Variants in MAGI1 observed in about 807,000 individuals in gnomAD.
MAGI1 encodes the protein membrane associated guanylate kinase, WW and PDZ domain containing 1, also known as membrane-associated guanylate kinase, WW and PDZ domain-containing protein 1.
In MAGI1, 58 loss-of-function variants were observed where a neutral mutation model predicts 139.9. That is an observed-to-expected ratio of 0.41 (90% CI 0.34 to 0.52). The LOEUF (loss-of-function observed/expected upper bound fraction) is 0.52. Ranked by LOEUF, MAGI1 falls within the 20% of genes least tolerant of loss-of-function variation. The probability of loss-of-function intolerance (pLI) is 0.12; values close to 1 mark genes in which losing one functional copy is unlikely to be tolerated. For synonymous variants in MAGI1, 812 were observed against 737.9 expected (o/e 1.10, Z -1.63); for missense variants, 1,874 against 1,901.6 (o/e 0.99, Z 0.27).
At chr3:65,749,870 G>A (rs753198513) in intron 1 of MAGI1, among the ~76,000 whole-genome samples, 1 of 152,026 alleles carries the variant, frequency 6.6e-6, no homozygotes, top group Admixed American at 6.6e-5. Flanking sequence ...TTAAAAAGAG[G>A]TTTTGTTTGG....
At position 65,668,318 on chromosome 3, in the gene MAGI1, C is replaced by T. The variant is rs190788840; in HGVS notation, c.314-46230G>A. On this transcript the variant is annotated intron_variant, in intron 1 of 22. Coordinates refer to ENST00000402939, the MANE Select transcript of MAGI1 (RefSeq NM_001033057.2). ...GCACTGGAGTAAGCTTATACTGGCT[C>T]ATGAGAGTCAAATGTTAGCACCTCT... Among the ~76,000 whole-genome samples the T allele has an allele frequency of 1.6e-3, 245 of 152,290 alleles. 2 individuals are homozygous for T. The highest frequency in any genetic ancestry group is 5.5e-3 in the African/African-American group (229 of 41,556).
At chr3:65,865,982 T>C (rs1245163020) in intron 1 of MAGI1, among the ~76,000 whole-genome samples, 2 of 152,168 alleles carry the variant, frequency 1.3e-5, no homozygotes, top group Admixed American at 6.5e-5. Context: ...GCAGCTGACA[T>C]GGAATGATGT....
At chr3:65,575,112 G>A (rs1316866256) in intron 2 of MAGI1, among the ~76,000 whole-genome samples, 3 of 151,992 alleles carry the variant, frequency 2.0e-5, no homozygotes, top group Non-Finnish European at 4.4e-5. Context: ...CTGTTAAGAG[G>A]ATGAAAACGT....
chr3:65,510,442 T>C (rs2077526743), intron 2 of MAGI1, among the ~76,000 whole-genome samples: 1 of 145,178 alleles, frequency 6.9e-6, no homozygotes, highest in African/African-American at 2.6e-5. Flanking sequence ...GAATAACCAA[T>C]ACAGAGAAGT....
At chr3:65,610,742 G>GTATATAGTATATACTATATATATATA (rs11276480) in intron 2 of MAGI1, among the ~76,000 whole-genome samples, 1 of 121,318 alleles carries the variant, frequency 8.2e-6, no homozygotes, top group East Asian at 2.2e-4. Flanking sequence ...ATAGTATATA[G>GTATATAGTATATACTATATATATATA]TATATATACA....
At chr3:65,359,867 A>C in intron 22 of MAGI1, 1 of 985,324 alleles carries the variant, frequency 1.0e-6, no homozygotes, top group Non-Finnish European at 1.2e-6. Context: ...CTCTCAAATG[A>C]AATATCACAT....
At chr3:65,716,730 A>G (rs2032295896) in intron 1 of MAGI1, among the ~76,000 whole-genome samples, 1 of 152,238 alleles carries the variant, frequency 6.6e-6, no homozygotes, top group Non-Finnish European at 1.5e-5. Flanking sequence ...TAAACTCTGC[A>G]TTCAATGAGT....
rs150840811 is a variant in MAGI1, at chr3:65,971,954, T to C, written c.313+66042A>G. On this transcript the variant is annotated intron_variant, in intron 1 of 22. Transcript: ENST00000402939. ...TCGTACCTCAGCAAGAAGGAGCAGA[T>C]AATAAAATCCAAAGGCAAATAGGAC... 2.3e-3 allele frequency among the ~76,000 whole-genome samples: 348 copies of C among 152,272 alleles called. 2 individuals are homozygous for C. Among genetic ancestry groups the C allele is most frequent in the African/African-American group, 7.7e-3 (320 of 41,564 alleles).
intron 7 of MAGI1, among the ~76,000 whole-genome samples, chr3:65,447,106 T>C (rs2107463772): frequency 6.6e-6 from 1 of 152,342 alleles, no homozygotes; most frequent in African/African-American, 2.4e-5. Flanking sequence ...CCACTCATAC[T>C]GATGTTAAAC....
chr3:65,891,945 C>T (rs1400887837), intron 1 of MAGI1, among the ~76,000 whole-genome samples: 10 of 93,652 alleles, frequency 1.1e-4, no homozygotes, highest in South Asian at 7.4e-4. Context: ...TATATATACC[C>T]GTGTTGCTCC....
intron 1 of MAGI1, among the ~76,000 whole-genome samples, chr3:65,673,555 T>G (rs1313460140): frequency 1.3e-5 from 2 of 152,170 alleles, no homozygotes; most frequent in African/African-American, 2.4e-5. Context: ...TGAGAAAAAG[T>G]AGGAACTCAG....
intron 22 of MAGI1, chr3:65,359,186 C>A: frequency 6.2e-7 from 1 of 1,609,012 alleles, no homozygotes; most frequent in Non-Finnish European, 8.5e-7. Context: ...CAAGAACAGT[C>A]AGAGAGAAGG....
chr3:65,979,817 C>T (rs2065473017), intron 1 of MAGI1, among the ~76,000 whole-genome samples: 1 of 152,124 alleles, frequency 6.6e-6, no homozygotes. Flanking sequence ...CAGCACCAGG[C>T]CAAGAGACCA....
chr3:65,887,507 C>A (rs74409673), intron 1 of MAGI1, among the ~76,000 whole-genome samples: 2 of 151,756 alleles, frequency 1.3e-5, no homozygotes, highest in African/African-American at 4.8e-5. Flanking sequence ...TTCTACTGTG[C>A]ATTAAAAAAA....
At chr3:65,795,728 G>GACAC (rs1577148874) in intron 1 of MAGI1, among the ~76,000 whole-genome samples, 1 of 68,788 alleles carries the variant, frequency 1.5e-5, no homozygotes, top group Admixed American at 1.9e-4. Context: ...CACACACACG[G>GACAC]AGAGAGAGAG....
intron 5 of MAGI1, among the ~76,000 whole-genome samples, chr3:65,456,825 A>G (rs1325277981): frequency 1.3e-5 from 2 of 152,184 alleles, no homozygotes; most frequent in African/African-American, 4.8e-5. Flanking sequence ...TTTGTAAAAA[A>G]TCAGTTGGGC....
intron 1 of MAGI1, among the ~76,000 whole-genome samples, chr3:65,899,901 A>G (rs747364715): frequency 6.6e-6 from 1 of 152,206 alleles, no homozygotes; most frequent in Admixed American, 6.5e-5. Flanking sequence ...CCAAAGTGAG[A>G]GTGCTAAGAT....
At chr3:65,414,273 C>T (rs1274912449) in intron 12 of MAGI1, among the ~76,000 whole-genome samples, 1 of 152,138 alleles carries the variant, frequency 6.6e-6, no homozygotes, top group Non-Finnish European at 1.5e-5. Context: ...TCGGTTCACC[C>T]CATTTTTGTC....
At chr3:65,600,822 A>T (rs2082448593) in intron 2 of MAGI1, among the ~76,000 whole-genome samples, 1 of 152,196 alleles carries the variant, frequency 6.6e-6, no homozygotes, top group African/African-American at 2.4e-5. Context: ...ATCACAATAA[A>T]TGCTGTGGAA....
Sources: allele counts gnomAD v4.1 joint callset (sites outside exome capture counted in the v4.1 genomes callset), GRCh38; gene constraint gnomAD v4.1.1; transcripts MANE v1.5; gene names NCBI Gene and HGNC (gene_info 2026-07-23, HGNC 2026-07-21).